The following KCNC2 variants were observed in gnomAD, a reference collection of about 807,000 sequenced individuals.
KCNC2 encodes voltage-gated potassium channel KCNC2.
Under a neutral mutation model 44.5 loss-of-function variants are expected in KCNC2, and 21 were observed. The observed-to-expected ratio is 0.47, with a 90% CI of 0.33 to 0.68. The LOEUF (loss-of-function observed/expected upper bound fraction) is 0.68, where lower values mean the gene tolerates loss of function less well. Among genes scored for constraint, KCNC2 ranks in the 30% least tolerant of loss-of-function variants. The pLI, the probability that KCNC2 is intolerant of heterozygous loss-of-function variation, is 0.01. For synonymous variants in KCNC2, 391 were observed against 339.1 expected, an observed-to-expected ratio of 1.15 and a Z score of -1.68; for missense variants, 589 against 826.2, an observed-to-expected ratio of 0.71 and a Z score of 3.52.
At chr12:75,129,999 T>C (rs1298799760) in intron 2 of KCNC2, among the ~76,000 whole-genome samples, 1 of 152,190 alleles carries the variant, frequency 6.6e-6, no homozygotes, top group East Asian at 1.9e-4. Context: ...TGCCAGCCTT[T>C]ATTCAATCTA....
rs1467295310 is a variant in KCNC2, at chr12:75,143,609, C to T, written c.687+63688G>A. 2.0e-5 allele frequency among the ~76,000 whole-genome samples: 3 copies of T among 152,148 alleles called. No homozygotes were observed. The East Asian group carries it at 5.8e-4, about 29-fold the overall frequency. On this transcript the variant is annotated intron_variant, in intron 2 of 4. Transcript: ENST00000549446. ...GTCCTTGATCTTGAGCTCTCCTTAA[C>T]ATTCATCTAATCAAAAAGGTTCTAA...
chr12:75,173,897 C>A (rs12422845), intron 2 of KCNC2, among the ~76,000 whole-genome samples: 12,309 of 151,874 alleles, frequency 0.081, 545 homozygotes, highest in Admixed American at 0.14. Context: ...TAGATTTCTT[C>A]ACCAATGAAA....
At chr12:75,089,434 T>C (rs140717639) in intron 2 of KCNC2, among the ~76,000 whole-genome samples, 30 of 152,002 alleles carry the variant, frequency 2.0e-4, no homozygotes, top group African/African-American at 6.7e-4. Flanking sequence ...GTAATTGAAT[T>C]GGGCTCTTCT....
intron 4 of KCNC2, among the ~76,000 whole-genome samples, chr12:75,046,117 C>T (rs1565804798): frequency 1.3e-5 from 2 of 151,550 alleles, no homozygotes; most frequent in Admixed American, 6.6e-5. Context: ...TAGGAAAAAA[C>T]ATATAACTAT....
intron 2 of KCNC2, among the ~76,000 whole-genome samples, chr12:75,188,695 C>T (rs2029904069): frequency 6.6e-6 from 1 of 151,132 alleles, no homozygotes; most frequent in Non-Finnish European, 1.5e-5. Context: ...CCTGTCTCTA[C>T]TAAAAATACA....
intron 2 of KCNC2, among the ~76,000 whole-genome samples, chr12:75,080,155 T>C (rs1003790927): frequency 6.6e-6 from 1 of 152,132 alleles, no homozygotes; most frequent in East Asian, 1.9e-4. Context: ...ATCAGTGCTG[T>C]TGGCAATAAA....
chr12:75,130,052 A>G (rs1429585549), intron 2 of KCNC2, among the ~76,000 whole-genome samples: 1 of 152,178 alleles, frequency 6.6e-6, no homozygotes, highest in Non-Finnish European at 1.5e-5. Context: ...GTCACCTGCC[A>G]TGTTTTAAGT....
At position 75,050,939 on chromosome 12, in the gene KCNC2, G is replaced by A. The variant is rs1031184645; in HGVS notation, c.1066C>T (p.Leu356=). ...FLRVVRFVRI[L]RIFKLTRHFV... is the part of the protein sequence containing the mutation. ...TGGCGGGTGAGCTTGAAAATTCTCA[G>A]GATCCTCACAAACCTTACCACCCTG... Residue 356 remains leucine (L), a synonymous_variant, in exon 3 of 5, where the codon CTG becomes TTG. Transcript: ENST00000549446. The A allele has an allele frequency of 1.2e-6, 2 of 1,613,578 alleles. No individual in the cohort carries two copies.
intron 2 of KCNC2, among the ~76,000 whole-genome samples, chr12:75,067,478 G>T (rs73357084): frequency 0.1 from 15,901 of 152,146 alleles, 2,789 homozygotes; most frequent in African/African-American, 0.36. Context: ...GATATGAACA[G>T]TCCTATGAGA....
chr12:75,112,971 T>G (rs570713990), intron 2 of KCNC2, among the ~76,000 whole-genome samples: 114 of 152,062 alleles, frequency 7.5e-4, no homozygotes, highest in Non-Finnish European at 1.4e-3. Context: ...AATATGAAAA[T>G]GGAACTTCAT....
At position 75,098,244 on chromosome 12, in the gene KCNC2, CAAG is replaced by C. The variant is rs567895762; in HGVS notation, c.688-46930_688-46928del. Reference sequence around the variant, plus strand: ...AGAAGTTTGCTTTTGCTTTTCCTAACAAGAAGCATGAACAGCCCTTAAGTACTC... The same window carrying C: ...AGAAGTTTGCTTTTGCTTTTCCTAACAAGCATGAACAGCCCTTAAGTACTC... On this transcript the variant is annotated intron_variant, in intron 2 of 4. Coordinates refer to ENST00000549446, the MANE Select transcript of KCNC2 (RefSeq NM_139137.4). 3.9e-4 allele frequency among the ~76,000 whole-genome samples: 60 copies of C among 152,214 alleles called. 1 individual carries two copies. The East Asian group carries it at 0.011, about 27-fold the overall frequency.
chr12:75,153,103 T>A (rs1890519970), intron 2 of KCNC2, among the ~76,000 whole-genome samples: 1 of 151,932 alleles, frequency 6.6e-6, no homozygotes, highest in Non-Finnish European at 1.5e-5. Flanking sequence ...TAACTTAAAG[T>A]CCACAAAAAG....
chr12:75,054,059 C>T (rs1374888985), intron 2 of KCNC2, among the ~76,000 whole-genome samples: 2 of 151,306 alleles, frequency 1.3e-5, no homozygotes, highest in Non-Finnish European at 1.5e-5. Context: ...CCCGTCTCTA[C>T]TAAAAATACA....
intron 2 of KCNC2, among the ~76,000 whole-genome samples, chr12:75,111,508 T>C (rs1415524340): frequency 6.6e-6 from 1 of 152,014 alleles, no homozygotes; most frequent in South Asian, 2.1e-4. Flanking sequence ...GAATTAAATA[T>C]ACTGACTTAT....
At chr12:75,074,105 T>C (rs1358982493) in intron 2 of KCNC2, among the ~76,000 whole-genome samples, 1 of 152,098 alleles carries the variant, frequency 6.6e-6, no homozygotes, top group Non-Finnish European at 1.5e-5. Flanking sequence ...AAATGATGGT[T>C]GGTTTTAGGA....
intron 2 of KCNC2, among the ~76,000 whole-genome samples, chr12:75,069,964 C>T (rs1396614138): frequency 6.6e-6 from 1 of 152,138 alleles, no homozygotes; most frequent in Non-Finnish European, 1.5e-5. Context: ...TTAACAGGAT[C>T]GAATTGGCTC....
At chr12:75,208,546 C>G (rs1460937744) in intron 1 of KCNC2, among the ~76,000 whole-genome samples, 1 of 151,846 alleles carries the variant, frequency 6.6e-6, no homozygotes, top group African/African-American at 2.4e-5. Context: ...TTTCCTCAGG[C>G]AACTTGGCAG....
Position 75,041,243 on chromosome 12 carries a change from A to T in KCNC2, c.*1862T>A, listed in dbSNP as rs1158729759. ...AACAGCAGCACCAGACAGCATATTAATTCTTTTACCATAAATTTGTGTGTA... is the reference window on the plus strand; with the variant it reads ...AACAGCAGCACCAGACAGCATATTATTTCTTTTACCATAAATTTGTGTGTA... On this transcript the variant is annotated 3_prime_UTR_variant, in exon 5 of 5. Transcript: ENST00000549446. 6.3e-7 allele frequency: 1 copy of T among 1,591,506 alleles called. No individual in the cohort carries two copies. The highest frequency in any genetic ancestry group is 1.7e-5 in the Admixed American group (1 of 59,244).
chr12:75,057,467 A>AT (rs888949190), intron 2 of KCNC2, among the ~76,000 whole-genome samples: 11 of 151,822 alleles, frequency 7.2e-5, no homozygotes, highest in Admixed American at 2.6e-4. Flanking sequence ...GATAAAATCA[A>AT]TTTTTTTTAT....
Sources: allele counts gnomAD v4.1 joint callset (sites outside exome capture counted in the v4.1 genomes callset), GRCh38; gene constraint gnomAD v4.1.1; transcripts MANE v1.5; gene names NCBI Gene and HGNC (gene_info 2026-07-23, HGNC 2026-07-21).